The following SLIT2 variants were observed in gnomAD, a reference collection of about 807,000 sequenced individuals.
SLIT2 encodes slit guidance ligand 2.
Under a neutral mutation model 185.7 loss-of-function variants are expected in SLIT2, and 41 were observed. The ratio of observed to expected loss-of-function variants is 0.22; its 90% confidence interval spans 0.17 to 0.29. SLIT2 has a LOEUF of 0.29. SLIT2 is among the 10% of genes least tolerant of loss of function. The pLI is 1.00. For synonymous variants in SLIT2, 693 were observed against 680.2 expected (o/e 1.02, Z -0.29); for missense variants, 1,571 against 1,909.0 (o/e 0.82, Z 3.30).
intron 4 of SLIT2, among the ~76,000 whole-genome samples, chr4:20,443,317 G>C (rs530097957): frequency 1.3e-5 from 2 of 152,256 alleles, no homozygotes; most frequent in Admixed American, 6.5e-5. Flanking sequence ...CCACATGAGA[G>C]ATAGCTAACT....
chr4:20,539,656 A>G, intron 19 of SLIT2, 72 bp downstream of exon 19: 2 of 972,228 alleles, frequency 2.1e-6, no homozygotes, highest in Non-Finnish European at 2.9e-6. Flanking sequence ...TTAATATATT[A>G]TTAAGCATTT....
chr4:20,617,232 C>T (rs1239036516), intron 35 of SLIT2, 34 bp downstream of exon 35: 1 of 1,544,672 alleles, frequency 6.5e-7, no homozygotes, highest in African/African-American at 1.4e-5. Flanking sequence ...TGAGCACACA[C>T]CTGAAAGCCT....
At chr4:20,615,336 G>C (rs771233304) in intron 34 of SLIT2, 3 of 152,164 alleles carry the variant, frequency 2.0e-5, no homozygotes, top group Non-Finnish European at 4.4e-5. Context: ...ACAGCCAAGA[G>C]ACTTCATTCA....
chr4:20,607,402 A>G (rs1205726276), intron 33 of SLIT2, among the ~76,000 whole-genome samples: 2 of 152,302 alleles, frequency 1.3e-5, no homozygotes, highest in South Asian at 2.1e-4. Context: ...CAATTGATAT[A>G]TGTTATTCCT....
chr4:20,541,186 C>T (rs573975767), intron 19 of SLIT2, among the ~76,000 whole-genome samples: 2 of 152,238 alleles, frequency 1.3e-5, no homozygotes, highest in African/African-American at 4.8e-5. Flanking sequence ...CAAATTCTAC[C>T]TTACCTTATT....
rs979673269 is a variant in SLIT2, at chr4:20,301,225, A to T, written c.395+32344A>T. Among the ~76,000 whole-genome samples, 7 of 152,184 alleles carry T rather than the reference A, an allele frequency of 4.6e-5. No homozygotes were observed. In the East Asian group the frequency reaches 1.3e-3, roughly 29 times the overall value. ...AAATTTTAAATTTATGAACAATGAT[A>T]ACACTACATTTTTATAATTCAAAAT... On this transcript the variant is annotated intron_variant, in intron 4 of 36. Transcript: ENST00000504154.
chr4:20,305,884 T>TAAC (rs1248546309), intron 4 of SLIT2, among the ~76,000 whole-genome samples: 1 of 101,410 alleles, frequency 9.9e-6, no homozygotes, highest in Non-Finnish European at 2.4e-5. Flanking sequence ...ATAATAATAA[T>TAAC]AATAATAATA....
At position 20,337,024 on chromosome 4, in the gene SLIT2, A is replaced by G. The variant is rs961907498; in HGVS notation, c.395+68143A>G. 3.3e-5 allele frequency among the ~76,000 whole-genome samples: 5 copies of G among 152,260 alleles called. No individual in the cohort carries two copies. In the East Asian group the frequency reaches 5.8e-4, roughly 18 times the overall value. ...TCCAATTGCTTCCTATTCCTCTTATAAGAGTTTTCAGAGTATTTTATTAGA... is the reference window on the plus strand; with the variant it reads ...TCCAATTGCTTCCTATTCCTCTTATGAGAGTTTTCAGAGTATTTTATTAGA... On this transcript the variant is annotated intron_variant, in intron 4 of 36. Coordinates refer to ENST00000504154, the MANE Select transcript of SLIT2 (RefSeq NM_004787.4).
chr4:20,349,218 C>A (rs757868085), intron 4 of SLIT2, among the ~76,000 whole-genome samples: 5 of 152,122 alleles, frequency 3.3e-5, no homozygotes, highest in Non-Finnish European at 7.4e-5. Context: ...TTGATTTATT[C>A]GGCAGTTAGT....
At chr4:20,263,556 A>G (rs1251533246) in intron 3 of SLIT2, among the ~76,000 whole-genome samples, 5 of 151,874 alleles carry the variant, frequency 3.3e-5, no homozygotes, top group Admixed American at 6.6e-5. Context: ...ATACACATCA[A>G]TTGTACTGTT....
chr4:20,405,995 T>C lies in SLIT2; in HGVS notation c.396-61757T>C, dbSNP rs1371907540. ...GTGACTGGATCTGGACAATAGTATA[T>C]GATGTGTGTCACTTTTGAGCTAATT... is the stretch of plus-strand genomic sequence containing the variant. On this transcript the variant is annotated intron_variant, in intron 4 of 36. Transcript: ENST00000504154. Among the ~76,000 whole-genome samples the C allele has an allele frequency of 2.8e-5, 3 of 109,072 alleles. 1 individual carries two copies. Among genetic ancestry groups the C allele is most frequent in the South Asian group, 8.4e-4 (2 of 2,390 alleles). The allele number at this position is 109,072 out of a possible 152,430, so 71.6% of individuals were successfully genotyped here.
At chr4:20,425,684 C>T (rs533724770) in intron 4 of SLIT2, among the ~76,000 whole-genome samples, 2 of 152,214 alleles carry the variant, frequency 1.3e-5, no homozygotes, top group East Asian at 1.9e-4. Context: ...CATAGAAATT[C>T]CTTTTAGTGA....
intron 4 of SLIT2, among the ~76,000 whole-genome samples, chr4:20,328,613 A>G (rs181272766): frequency 4.6e-5 from 7 of 152,196 alleles, no homozygotes; most frequent in Admixed American, 3.9e-4. Context: ...ATATTTGAAA[A>G]TTGAGTTTGG....
intron 4 of SLIT2, among the ~76,000 whole-genome samples, chr4:20,436,132 G>A (rs1198227886): frequency 2.0e-5 from 3 of 152,196 alleles, no homozygotes; most frequent in Admixed American, 6.5e-5. Flanking sequence ...AAGTCCAGAT[G>A]TTGTAAGACT....
At chr4:20,269,805 G>C (rs1713412590) in intron 4 of SLIT2, among the ~76,000 whole-genome samples, 1 of 151,804 alleles carries the variant, frequency 6.6e-6, no homozygotes, top group Non-Finnish European at 1.5e-5. Context: ...TAGCCTACTA[G>C]TTCAATGTGG....
At chr4:20,327,723 A>G (rs775767567) in intron 4 of SLIT2, among the ~76,000 whole-genome samples, 29 of 152,066 alleles carry the variant, frequency 1.9e-4, no homozygotes, top group Non-Finnish European at 3.7e-4. Context: ...GATATATTTT[A>G]TACTTACGAT....
intron 26 of SLIT2, among the ~76,000 whole-genome samples, chr4:20,566,483 A>G (rs2148912230): frequency 6.6e-6 from 1 of 152,156 alleles, no homozygotes; most frequent in South Asian, 2.1e-4. Context: ...TGAACAAAGG[A>G]AAATGGCTGT....
At chr4:20,443,582 T>TAA (rs71653885) in intron 4 of SLIT2, among the ~76,000 whole-genome samples, 6,831 of 63,072 alleles carry the variant, frequency 0.11, 640 homozygotes, top group Admixed American at 0.17. Flanking sequence ...GGAGAAAATC[T>TAA]AAAAAAAAAA....
intron 4 of SLIT2, among the ~76,000 whole-genome samples, chr4:20,467,371 G>C (rs927127164): frequency 6.6e-6 from 1 of 151,944 alleles, no homozygotes; most frequent in Non-Finnish European, 1.5e-5. Context: ...GTTATGCCAG[G>C]GGTGTTGGAG....
Sources: gnomAD v4.1 joint callset for allele counts (sites outside exome capture counted in the v4.1 genomes callset) on GRCh38, gnomAD v4.1.1 for gene constraint, MANE v1.5 for transcripts, NCBI Gene and HGNC (gene_info 2026-07-23, HGNC 2026-07-21) for gene names.